The following PPP2R1B variants were observed in gnomAD, a reference collection of about 807,000 sequenced individuals.
The protein encoded by PPP2R1B is serine/threonine-protein phosphatase 2A 65 kDa regulatory subunit A beta isoform.
In PPP2R1B, 58 loss-of-function variants were observed where a neutral mutation model predicts 72.7. The observed-to-expected ratio is 0.80, with a 90% CI of 0.65 to 0.99. The LOEUF is 0.99. Among genes scored for constraint, PPP2R1B ranks in the 50% least tolerant of loss-of-function variants. PPP2R1B has a pLI of 0.00. For synonymous variants in PPP2R1B, 256 were observed against 264.6 expected (o/e 0.97, Z 0.32); for missense variants, 695 against 733.6 (o/e 0.95, Z 0.61).
chr11:111,739,568 T>G lies in PPP2R1B; in HGVS notation c.*2028A>C. 1 of 985,360 alleles carries G rather than the reference T, an allele frequency of 1.0e-6. No homozygotes were observed. The highest frequency in any genetic ancestry group is 1.2e-6 in the Non-Finnish European group (1 of 829,928). The allele number at this position is 985,360 out of a possible 1,614,324, so 61.0% of individuals were successfully genotyped here. A position where few individuals can be genotyped will look rare whatever the true frequency, so the allele number is the denominator to read the frequency against. Reference sequence around the variant, plus strand: ...CCCACTCTCCCTCTCTCAAACAGTTTTAGGGTAGAGAAGTCAATGCTTAGG... The same window carrying G: ...CCCACTCTCCCTCTCTCAAACAGTTGTAGGGTAGAGAAGTCAATGCTTAGG... On this transcript the variant is annotated 3_prime_UTR_variant, in exon 15 of 15. Coordinates refer to ENST00000527614, the MANE Select transcript of PPP2R1B (RefSeq NM_002716.5).
At chr11:111,725,665 T>A (rs1943942661), downstream of PPP2R1B, 2 of 152,704 alleles carry the variant, frequency 1.3e-5, no homozygotes, top group Admixed American at 1.3e-4. Flanking sequence ...TAACTGATGC[T>A]GCATCTAGAA....
chr11:111,757,701 G>A (rs940387501), intron 5 of PPP2R1B, among the ~76,000 whole-genome samples: 1 of 151,948 alleles, frequency 6.6e-6, no homozygotes, highest in Non-Finnish European at 1.5e-5. Flanking sequence ...CAGTCATGGT[G>A]GCAGGCGCCT....
chr11:111,717,037 G>A, the PPP2R1B span, among the ~76,000 whole-genome samples: 1 of 152,084 alleles, frequency 6.6e-6, no homozygotes, highest in East Asian at 1.9e-4. Flanking sequence ...AACAGCGGCC[G>A]GGTGTGGTGG....
the PPP2R1B span, chr11:111,700,878 C>G: frequency 6.2e-7 from 1 of 1,613,642 alleles, no homozygotes; most frequent in Non-Finnish European, 8.5e-7. Context: ...TTATTTCCAT[C>G]CTAATAGATT....
downstream of PPP2R1B, chr11:111,726,874 T>C: frequency 8.6e-7 from 1 of 1,157,582 alleles, no homozygotes; most frequent in Non-Finnish European, 1.3e-6. Flanking sequence ...GAGACTTTGG[T>C]GAGATGAACG....
At chr11:111,766,190 C>G (rs113919538) in intron 1 of PPP2R1B, 58 bp downstream of exon 1, 1 of 1,568,214 alleles carries the variant, frequency 6.4e-7, no homozygotes, top group Admixed American at 1.7e-5. Flanking sequence ...AGGCCTTCCC[C>G]CTTCTCTACC....
Position 111,738,836 on chromosome 11 carries a change from G to A in PPP2R1B, c.*2760C>T. The A allele has an allele frequency of 1.0e-6, 1 of 985,172 alleles. No individual in the cohort carries two copies. Among genetic ancestry groups the A allele is most frequent in the Non-Finnish European group, 1.2e-6 (1 of 829,964 alleles). The allele number at this position is 985,172 out of a possible 1,614,324, so 61.0% of individuals were successfully genotyped here. A position where few individuals can be genotyped will look rare whatever the true frequency, so the allele number is the denominator to read the frequency against. On this transcript the variant is annotated 3_prime_UTR_variant, in exon 15 of 15. Coordinates refer to ENST00000527614, the MANE Select transcript of PPP2R1B (RefSeq NM_002716.5). ...AAATTACAGAGAGAAACACCAAGGT[G>A]AATTCCACTGTTGCTGAGACATTTT...
chr11:111,713,921 C>T, the PPP2R1B span, among the ~76,000 whole-genome samples: 8 of 152,070 alleles, frequency 5.3e-5, no homozygotes, highest in Non-Finnish European at 1.0e-4. Flanking sequence ...GAGCCGAGAT[C>T]GTGCCATTGC....
chr11:111,765,482 G>A (rs868909661), intron 1 of PPP2R1B, 98 bp from the exon 2 acceptor site: 2 of 951,920 alleles, frequency 2.1e-6, no homozygotes, highest in African/African-American at 1.6e-5. Flanking sequence ...TGACACAGGG[G>A]TAAGAATGAA....
chr11:111,704,282 G>T, the PPP2R1B span, among the ~76,000 whole-genome samples: 1 of 152,170 alleles, frequency 6.6e-6, no homozygotes, highest in Non-Finnish European at 1.5e-5. Flanking sequence ...TCTGCATCCT[G>T]GTGCCCTGCA....
the PPP2R1B span, among the ~76,000 whole-genome samples, chr11:111,720,237 A>C: frequency 6.6e-6 from 1 of 152,138 alleles, no homozygotes; most frequent in Non-Finnish European, 1.5e-5. Context: ...GTGCCACGTG[A>C]TTGATCAGGG....
At chr11:111,756,009 C>T (rs1204533119) in intron 5 of PPP2R1B, among the ~76,000 whole-genome samples, 5 of 151,022 alleles carry the variant, frequency 3.3e-5, no homozygotes, top group African/African-American at 1.2e-4. Context: ...GAGAGGGAAA[C>T]CATCCTAGCT....
At chr11:111,700,746 C>A in the PPP2R1B span, 1 of 994,654 alleles carries the variant, frequency 1.0e-6, no homozygotes, top group Non-Finnish European at 1.5e-6. Context: ...AGGGAAACAT[C>A]ACAAGATAAG....
the PPP2R1B span, among the ~76,000 whole-genome samples, chr11:111,716,284 G>GA: frequency 2.6e-5 from 4 of 152,090 alleles, no homozygotes; most frequent in African/African-American, 7.2e-5. Flanking sequence ...CACAAGGTCT[G>GA]AAAAGGATAT....
At chr11:111,707,336 C>G in the PPP2R1B span, among the ~76,000 whole-genome samples, 1 of 152,196 alleles carries the variant, frequency 6.6e-6, no homozygotes, top group Non-Finnish European at 1.5e-5. Context: ...CATGTCTAGA[C>G]TATGAGCAAA....
the PPP2R1B span, chr11:111,719,701 G>A: frequency 6.9e-7 from 1 of 1,439,168 alleles, no homozygotes; most frequent in Non-Finnish European, 9.6e-7. Flanking sequence ...CACAAGTCTT[G>A]ACATGTTTTC....
the PPP2R1B span, among the ~76,000 whole-genome samples, chr11:111,704,040 GA>G: frequency 6.6e-6 from 1 of 152,162 alleles, no homozygotes; most frequent in Non-Finnish European, 1.5e-5. Flanking sequence ...TGCTCTTCAG[GA>G]AGAAACATAA....
chr11:111,735,004 G>A (rs932230806), downstream of PPP2R1B, among the ~76,000 whole-genome samples: 4 of 152,212 alleles, frequency 2.6e-5, no homozygotes, highest in African/African-American at 9.6e-5. Context: ...GAAGAGACCC[G>A]CATCGAAAGG....
intron 15 of PPP2R1B, chr11:111,730,664 G>C (rs1944160316): frequency 6.6e-6 from 1 of 151,508 alleles, no homozygotes; most frequent in Non-Finnish European, 1.5e-5. Context: ...AATCATAATA[G>C]CTCCAATGTG....
Sources: allele counts gnomAD v4.1 joint callset (sites outside exome capture counted in the v4.1 genomes callset), GRCh38; gene constraint gnomAD v4.1.1; transcripts MANE v1.5; gene names NCBI Gene and HGNC (gene_info 2026-07-23, HGNC 2026-07-21).